DPP6: variants seen among roughly 807,000 people sequenced by gnomAD.
The protein encoded by DPP6 is dipeptidyl peptidase like 6.
A neutral mutation model predicts 122.6 loss-of-function variants in DPP6; 69 were observed. The ratio of observed to expected loss-of-function variants is 0.56; its 90% CI spans 0.46 to 0.69. DPP6 has a LOEUF of 0.69. Among genes scored for constraint, DPP6 ranks in the 30% least tolerant of loss-of-function variants. The pLI is 0.00. For synonymous variants in DPP6, 418 were observed against 433.1 expected, an observed-to-expected ratio of 0.97 and a Z score of 0.43; for missense variants, 928 against 1,116.9, an observed-to-expected ratio of 0.83 and a Z score of 2.41.
At chr7:154,533,951 T>A (rs1278014173) in intron 3 of DPP6, among the ~76,000 whole-genome samples, 1 of 151,848 alleles carries the variant, frequency 6.6e-6, no homozygotes, top group Admixed American at 6.6e-5. Flanking sequence ...TAAGCCATGA[T>A]CATGCTACTG....
intron 7 of DPP6, among the ~76,000 whole-genome samples, chr7:154,716,835 T>C (rs1179089615): frequency 6.6e-6 from 1 of 152,158 alleles, no homozygotes; most frequent in Non-Finnish European, 1.5e-5. Context: ...TGTTTGTTGT[T>C]ATTGTTGCTG....
chr7:154,181,933 G>T (rs1798110365), intron 1 of DPP6, among the ~76,000 whole-genome samples: 1 of 151,900 alleles, frequency 6.6e-6, no homozygotes, highest in Non-Finnish European at 1.5e-5. Context: ...ATTTTTAGTA[G>T]AGACGGGGTT....
intron 7 of DPP6, among the ~76,000 whole-genome samples, chr7:154,704,273 T>C (rs965730669): frequency 1.3e-5 from 2 of 152,186 alleles, no homozygotes; most frequent in Non-Finnish European, 2.9e-5. Flanking sequence ...AAAACTTGAA[T>C]GGGTGAGAAG....
At chr7:154,643,486 T>G (rs548618041) in intron 6 of DPP6, among the ~76,000 whole-genome samples, 1,283 of 104,404 alleles carry the variant, frequency 0.012, 31 homozygotes, top group Admixed American at 0.09. Context: ...TTTTTTTTTT[T>G]GAGACAGAGT....
rs562604040 is a variant in DPP6, at chr7:154,440,466, A to G, written c.244-5748A>G. ...AGTACATGCAATGCTTTATTGGACG[A>G]TGAGTTAGGGTCCTCTTGCTCCAAC... On this transcript the variant is annotated intron_variant, in intron 1 of 25. Transcript: ENST00000377770. 4.6e-5 allele frequency among the ~76,000 whole-genome samples: 7 copies of G among 152,294 alleles called. No homozygotes were observed. The South Asian group carries it at 1.2e-3, about 27-fold the overall frequency.
chr7:153,760,974 A>T, the DPP6 span, among the ~76,000 whole-genome samples: 60 of 152,198 alleles, frequency 3.9e-4, no homozygotes, highest in African/African-American at 1.4e-3. Flanking sequence ...TGTTCTCCCC[A>T]GACTCTCAGC....
chr7:154,187,816 A>G (rs1798421752), intron 1 of DPP6, among the ~76,000 whole-genome samples: 1 of 152,098 alleles, frequency 6.6e-6, no homozygotes, highest in Non-Finnish European at 1.5e-5. Flanking sequence ...TCAGTAGTAC[A>G]TTATTATCTC....
chr7:154,073,331 C>G (rs1396995707), intron 1 of DPP6, among the ~76,000 whole-genome samples: 1 of 152,164 alleles, frequency 6.6e-6, no homozygotes, highest in Non-Finnish European at 1.5e-5. Flanking sequence ...TGGGGGAACT[C>G]CTGGTCCGCC....
rs138703033 is a variant in DPP6 at position 154,271,084 on chromosome 7, G to T, written c.244-175130G>T. 9.2e-5 allele frequency among the ~76,000 whole-genome samples: 14 copies of T among 152,322 alleles called. No homozygotes were observed. The East Asian group carries it at 2.5e-3, about 27-fold the overall frequency. On this transcript the variant is annotated intron_variant, in intron 1 of 25. Transcript: ENST00000377770. ...TTCATTGGAAGTTTCTAGGATTCCA[G>T]GATGTCTGTTTCTGTGAATCCCACT...
At chr7:154,350,456 G>C (rs1309604283) in intron 1 of DPP6, among the ~76,000 whole-genome samples, 2 of 152,138 alleles carry the variant, frequency 1.3e-5, no homozygotes, top group Non-Finnish European at 2.9e-5. Flanking sequence ...GGCGTGCTAA[G>C]TCGTAGACCC....
At chr7:153,927,578 A>G (rs1800959592) in intron 1 of DPP6, among the ~76,000 whole-genome samples, 2 of 152,240 alleles carry the variant, frequency 1.3e-5, no homozygotes, top group African/African-American at 2.4e-5. Flanking sequence ...GATATGGCCA[A>G]CTAAATTACT....
chr7:153,802,632 C>G, the DPP6 span, among the ~76,000 whole-genome samples: 71 of 152,258 alleles, frequency 4.7e-4, no homozygotes, highest in Non-Finnish European at 9.6e-4. Flanking sequence ...CGAATTTTAT[C>G]TCTGTGATGC....
At chr7:154,307,933 G>A (rs1585889019) in intron 1 of DPP6, among the ~76,000 whole-genome samples, 1 of 151,218 alleles carries the variant, frequency 6.6e-6, no homozygotes, top group African/African-American at 2.4e-5. Flanking sequence ...TGGTTTTGAA[G>A]CAGGGGGTCA....
chr7:154,818,433 A>G (rs1227948382), intron 16 of DPP6, among the ~76,000 whole-genome samples: 1 of 152,240 alleles, frequency 6.6e-6, no homozygotes, highest in Non-Finnish European at 1.5e-5. Flanking sequence ...CATGATCCCA[A>G]CATAGGAATT....
chr7:153,782,805 C>T, the DPP6 span, among the ~76,000 whole-genome samples: 36 of 152,190 alleles, frequency 2.4e-4, no homozygotes, highest in Admixed American at 2.0e-3. Flanking sequence ...TCTCTCCGCT[C>T]TGTGTTGTTA....
rs143704501 is a variant in DPP6, at chr7:153,913,728, T to G, written c.51+25994T>G. 1.4e-4 allele frequency among the ~76,000 whole-genome samples: 22 copies of G among 152,250 alleles called. No homozygotes were observed. In the East Asian group the frequency reaches 4.3e-3, roughly 29 times the overall value. On this transcript the variant is annotated intron_variant, in intron 1 of 25. Transcript: ENST00000404039. ...AGACCTTAGAAACATGTTAAAGTCT[T>G]GCAAAGGAGCCCTTGGCATAACTGT...
intron 16 of DPP6, among the ~76,000 whole-genome samples, chr7:154,808,599 C>T (rs1798842539): frequency 6.6e-6 from 1 of 152,120 alleles, no homozygotes; most frequent in African/African-American, 2.4e-5. Flanking sequence ...CCCTGACTCC[C>T]AATGAGCCAG....
chr7:154,470,175 G>C (rs1163257991), intron 2 of DPP6, among the ~76,000 whole-genome samples: 1 of 152,144 alleles, frequency 6.6e-6, no homozygotes, highest in Non-Finnish European at 1.5e-5. Context: ...TGTCTCCTTT[G>C]AGTTTTGAAA....
chr7:154,199,018 G>GTT (rs548827696), intron 1 of DPP6, among the ~76,000 whole-genome samples: 5,146 of 146,860 alleles, frequency 0.035, 183 homozygotes, highest in African/African-American at 0.094. Flanking sequence ...GTTTACTAGG[G>GTT]TTTTTTTTTT....
Sources: gnomAD v4.1 joint callset for allele counts (sites outside exome capture counted in the v4.1 genomes callset) on GRCh38, gnomAD v4.1.1 for gene constraint, MANE v1.5 for transcripts, NCBI Gene and HGNC (gene_info 2026-07-23, HGNC 2026-07-21) for gene names.